HERC1: variants seen among roughly 807,000 people sequenced by gnomAD.
HERC1 encodes the protein probable E3 ubiquitin-protein ligase HERC1.
A neutral mutation model predicts 554.3 loss-of-function variants in HERC1; 160 were observed. The ratio of observed to expected loss-of-function variants is 0.29; its 90% CI spans 0.25 to 0.33. HERC1 has a LOEUF of 0.33. Ranked by LOEUF, HERC1 falls within the 10% of genes least tolerant of loss-of-function variation. The pLI, the probability that HERC1 is intolerant of heterozygous loss-of-function variation, is 1.00. For synonymous variants in HERC1, 2,175 were observed against 2,131.7 expected (o/e 1.02, Z -0.56); for missense variants, 4,919 against 5,918.5 (o/e 0.83, Z 5.54).
chr15:63,773,124 C>G (rs1468364920), intron 2 of HERC1, among the ~76,000 whole-genome samples: 1 of 152,114 alleles, frequency 6.6e-6, no homozygotes, highest in Non-Finnish European at 1.5e-5. Flanking sequence ...TGGTTGACAT[C>G]TGGTAACAAA....
chr15:63,610,661 C>T (rs1273387856), intron 77 of HERC1, among the ~76,000 whole-genome samples: 1 of 152,226 alleles, frequency 6.6e-6, no homozygotes, highest in Non-Finnish European at 1.5e-5. Flanking sequence ...GCAAGCCTAG[C>T]CCAGGAGCAG....
At chr15:63,656,414 C>A (rs902784667) in intron 48 of HERC1, 56 bp from the exon 49 acceptor site, 8 of 1,454,386 alleles carry the variant, frequency 5.5e-6, no homozygotes, top group Non-Finnish European at 7.5e-6. Flanking sequence ...TCTTAAGGGA[C>A]CATTTGCAGT....
chr15:63,806,639 A>T (rs1313121740), intron 1 of HERC1, among the ~76,000 whole-genome samples: 1 of 152,236 alleles, frequency 6.6e-6, no homozygotes, highest in African/African-American at 2.4e-5. Flanking sequence ...ATTGTAGAAG[A>T]GGAATTAATT....
At chr15:63,703,950 C>T (rs1596017767) in intron 25 of HERC1, among the ~76,000 whole-genome samples, 1 of 151,386 alleles carries the variant, frequency 6.6e-6, no homozygotes, top group Non-Finnish European at 1.5e-5. Context: ...AAAGAGAATT[C>T]TCACTTGGCT....
chr15:63,678,748 T>C (rs1404609649), intron 36 of HERC1, among the ~76,000 whole-genome samples: 7 of 152,208 alleles, frequency 4.6e-5, no homozygotes, highest in Non-Finnish European at 1.0e-4. Context: ...TTTTACATTG[T>C]TCAAGGGGTG....
chr15:63,710,704 T>C (rs1029263770), intron 24 of HERC1, among the ~76,000 whole-genome samples: 3 of 152,230 alleles, frequency 2.0e-5, no homozygotes, highest in Admixed American at 1.3e-4. Flanking sequence ...TTAAATAGGG[T>C]GGTCAGCACA....
At chr15:63,659,620 G>A (rs1231035967) in intron 47 of HERC1, 116 bp downstream of exon 47, 2 of 727,684 alleles carry the variant, frequency 2.7e-6, no homozygotes, top group Non-Finnish European at 4.6e-6. Flanking sequence ...GTTGGGGTGA[G>A]ATAATGTTGA....
At chr15:63,791,032 T>C (rs1474891115) in intron 1 of HERC1, among the ~76,000 whole-genome samples, 2 of 152,192 alleles carry the variant, frequency 1.3e-5, no homozygotes, top group Non-Finnish European at 2.9e-5. Context: ...TGACTGTATC[T>C]ATCACGCTTC....
rs368023423 is a variant in HERC1 at position 63,670,687 on chromosome 15, G to C, written c.8046-989C>G. Among the ~76,000 whole-genome samples, 8 of 152,248 alleles carry C rather than the reference G, an allele frequency of 5.3e-5. No homozygotes were observed. The South Asian group carries it at 1.2e-3, about 24-fold the overall frequency. On this transcript the variant is annotated intron_variant, in intron 39 of 77. Coordinates refer to ENST00000443617, the MANE Select transcript of HERC1 (RefSeq NM_003922.4). ...CTAATCAGAGCTGAAAAGGTTACAA[G>C]GAGTCACAGTGCTACTGATCTTGTG...
chr15:63,786,675 T>C (rs2076457268), intron 1 of HERC1, among the ~76,000 whole-genome samples: 1 of 152,186 alleles, frequency 6.6e-6, no homozygotes, highest in Non-Finnish European at 1.5e-5. Flanking sequence ...TATGATTCTA[T>C]TTATAAGAAA....
At chr15:63,618,957 TTCC>T (rs1335283980) in intron 74 of HERC1, among the ~76,000 whole-genome samples, 1 of 152,204 alleles carries the variant, frequency 6.6e-6, no homozygotes, top group East Asian at 1.9e-4. Context: ...ACAATTTGAC[TTCC>T]TCTTTTCCTA....
chr15:63,611,247 G>A (rs1214260429), intron 77 of HERC1, among the ~76,000 whole-genome samples: 1 of 152,256 alleles, frequency 6.6e-6, no homozygotes, highest in Non-Finnish European at 1.5e-5. Flanking sequence ...TGGGGCAGAG[G>A]CCAGACTGTG....
intron 33 of HERC1, among the ~76,000 whole-genome samples, chr15:63,688,131 T>A (rs2071886637): frequency 6.6e-6 from 1 of 152,202 alleles, no homozygotes; most frequent in African/African-American, 2.4e-5. Flanking sequence ...CTTAGAAGGT[T>A]ACTGCATAGT....
At position 63,725,154 on chromosome 15, in the gene HERC1, T is replaced by A. The variant is rs1458328657; in HGVS notation, c.3568+138A>T. ...TAACCATTTTTCTTAGGGCTCCAAG[T>A]CATAGCCCCAGATTCCCTACACTGC... On this transcript the variant is annotated intron_variant, in intron 18 of 77. Transcript: ENST00000443617. 5.5e-6 allele frequency: 4 copies of A among 721,546 alleles called. No individual in the cohort carries two copies. In the African/African-American group the frequency reaches 7.2e-5, roughly 13 times the overall value. 44.7% of individuals were successfully genotyped at this position (721,546 alleles called of 1,614,324 possible).
chr15:63,746,671 T>C lies in HERC1; in HGVS notation c.2520+247A>G, dbSNP rs8034342. ...AATAAGCAACTAGAATACAATGTGA[T>C]GTAATGAGAACATATACAAGAAAAA... is the stretch of plus-strand genomic sequence containing the variant. On this transcript the variant is annotated intron_variant, in intron 12 of 77. Transcript: ENST00000443617. Among the ~76,000 whole-genome samples the C allele has an allele frequency of 0.48, 73,058 of 151,984 alleles. 18,465 individuals are homozygous for C. Among genetic ancestry groups the C allele is most frequent in the Non-Finnish European group, 0.55 (37,415 of 67,980 alleles).
intron 1 of HERC1, among the ~76,000 whole-genome samples, chr15:63,805,561 G>A (rs796498070): frequency 8.5e-5 from 13 of 152,280 alleles, no homozygotes; most frequent in African/African-American, 3.1e-4. Context: ...GATTGTGGTG[G>A]TAGTTACATA....
At chr15:63,713,042 C>T in intron 23 of HERC1, 147 bp from the exon 24 acceptor site, 1 of 815,244 alleles carries the variant, frequency 1.2e-6, no homozygotes, top group South Asian at 1.9e-5. Context: ...TGTCTGAGCA[C>T]AAAGACCTTC....
intron 1 of HERC1, 70 bp downstream of exon 1, chr15:63,833,747 GCGCGCGCACA>G (rs1387966788): frequency 0.034 from 4,038 of 117,600 alleles, 97 homozygotes; most frequent in Middle Eastern, 0.062. Context: ...GCACACACGC[GCGCGCGCACA>G]CACACACACA....
intron 42 of HERC1, among the ~76,000 whole-genome samples, chr15:63,664,991 A>G (rs1182778123): frequency 3.3e-5 from 5 of 152,238 alleles, no homozygotes; most frequent in African/African-American, 9.6e-5. Flanking sequence ...AAAAGCTTGC[A>G]TGCCATCTAG....
Sources: gnomAD v4.1 joint callset for allele counts (sites outside exome capture counted in the v4.1 genomes callset) on GRCh38, gnomAD v4.1.1 for gene constraint, MANE v1.5 for transcripts, NCBI Gene and HGNC (gene_info 2026-07-23, HGNC 2026-07-21) for gene names.